Variants in LRRC4C observed in about 807,000 individuals in gnomAD.
The protein encoded by LRRC4C is leucine rich repeat containing 4C.
Under a neutral mutation model 33.6 loss-of-function variants are expected in LRRC4C, and 5 were observed. The observed-to-expected ratio is 0.15, with a 90% CI of 0.08 to 0.31. The LOEUF (loss-of-function observed/expected upper bound fraction) is 0.31, where lower values mean the gene tolerates loss of function less well. Ranked by LOEUF, LRRC4C falls within the 10% of genes least tolerant of loss-of-function variation. The pLI is 1.00. For missense variants in LRRC4C, 560 were observed against 796.7 expected, an observed-to-expected ratio of 0.70 and a Z score of 3.58; for synonymous variants, 329 against 302.0, an observed-to-expected ratio of 1.09 and a Z score of -0.93.
intron 3 of LRRC4C, among the ~76,000 whole-genome samples, chr11:40,619,840 T>C (rs1440352954): frequency 6.6e-6 from 1 of 151,254 alleles, no homozygotes; most frequent in Non-Finnish European, 1.5e-5. Context: ...TTTCTCGGTG[T>C]TGCAGGGTGA....
intron 1 of LRRC4C, among the ~76,000 whole-genome samples, chr11:40,960,030 C>T (rs746059092): frequency 6.9e-6 from 1 of 144,920 alleles, no homozygotes; most frequent in African/African-American, 2.6e-5. Context: ...AAAGATATAT[C>T]AAATCAAAGA....
At chr11:40,841,171 CT>C (rs1372762189) in intron 2 of LRRC4C, among the ~76,000 whole-genome samples, 2 of 152,098 alleles carry the variant, frequency 1.3e-5, no homozygotes, top group African/African-American at 4.8e-5. Flanking sequence ...TTAAATGTGT[CT>C]AGTTTAAGAT....
intron 1 of LRRC4C, among the ~76,000 whole-genome samples, chr11:41,419,138 T>G (rs1954788637): frequency 6.6e-6 from 1 of 151,816 alleles, no homozygotes; most frequent in Non-Finnish European, 1.5e-5. Context: ...AAATACAAAC[T>G]TCCTGTCCCT....
intron 6 of LRRC4C, among the ~76,000 whole-genome samples, chr11:40,138,251 T>G (rs961768252): frequency 6.6e-6 from 1 of 152,080 alleles, no homozygotes; most frequent in Non-Finnish European, 1.5e-5. Flanking sequence ...CACTGTAACC[T>G]TGAACTTCTG....
intron 2 of LRRC4C, among the ~76,000 whole-genome samples, chr11:40,759,775 AT>A (rs1048855378): frequency 6.6e-6 from 1 of 151,792 alleles, no homozygotes. Context: ...ATCTTTATAC[AT>A]TTTTCCCCTT....
chr11:40,148,127 G>T (rs1857898487), intron 5 of LRRC4C, among the ~76,000 whole-genome samples: 1 of 152,102 alleles, frequency 6.6e-6, no homozygotes, highest in Non-Finnish European at 1.5e-5. Flanking sequence ...CCATTGATAG[G>T]CATTTAGGTT....
chr11:41,131,844 C>G (rs1943027830), intron 1 of LRRC4C, among the ~76,000 whole-genome samples: 1 of 152,102 alleles, frequency 6.6e-6, no homozygotes, highest in Non-Finnish European at 1.5e-5. Context: ...AAAAGACACA[C>G]CCATCATCAC....
intron 3 of LRRC4C, among the ~76,000 whole-genome samples, chr11:40,536,699 T>G (rs569848528): frequency 2.6e-5 from 4 of 152,354 alleles, no homozygotes; most frequent in East Asian, 3.9e-4. Context: ...AATGCTCTTT[T>G]TTTTTCAAAT....
At chr11:40,609,588 A>C (rs904287020) in intron 3 of LRRC4C, among the ~76,000 whole-genome samples, 16 of 152,028 alleles carry the variant, frequency 1.1e-4, no homozygotes, top group Non-Finnish European at 2.2e-4. Flanking sequence ...GCATAGAAAA[A>C]CAATAGAAAA....
intron 5 of LRRC4C, among the ~76,000 whole-genome samples, chr11:40,184,036 G>C (rs926612305): frequency 6.6e-6 from 1 of 152,228 alleles, no homozygotes; most frequent in African/African-American, 2.4e-5. Context: ...TCAGTAAAAA[G>C]TAAGGAGAAG....
At chr11:40,475,532 T>C (rs1032198783) in intron 3 of LRRC4C, among the ~76,000 whole-genome samples, 1 of 152,062 alleles carries the variant, frequency 6.6e-6, no homozygotes. Context: ...CAAACCACCA[T>C]GGCAAGTGTA....
chr11:41,257,862 T>C (rs1017366602), intron 1 of LRRC4C, among the ~76,000 whole-genome samples: 1 of 152,090 alleles, frequency 6.6e-6, no homozygotes, highest in East Asian at 1.9e-4. Context: ...CAATCCTTCA[T>C]ATGAAATTAG....
intron 3 of LRRC4C, among the ~76,000 whole-genome samples, chr11:40,365,399 T>C (rs1271162115): frequency 6.6e-6 from 1 of 152,038 alleles, no homozygotes; most frequent in Non-Finnish European, 1.5e-5. Flanking sequence ...CTTAGAGAAG[T>C]TGCTTCTTCA....
At chr11:41,000,605 T>C (rs182747644) in intron 1 of LRRC4C, among the ~76,000 whole-genome samples, 1 of 152,304 alleles carries the variant, frequency 6.6e-6, no homozygotes, top group Admixed American at 6.5e-5. Flanking sequence ...ACACTGGGCC[T>C]ATTGATCGAC....
intron 1 of LRRC4C, among the ~76,000 whole-genome samples, chr11:40,940,611 A>T (rs1442579365): frequency 1.3e-5 from 2 of 152,158 alleles, no homozygotes; most frequent in South Asian, 4.1e-4. Context: ...TTTTTCAAAC[A>T]GATATCAAAT....
chr11:40,810,446 A>G (rs1267274468), intron 2 of LRRC4C, among the ~76,000 whole-genome samples: 1 of 152,180 alleles, frequency 6.6e-6, no homozygotes, highest in Non-Finnish European at 1.5e-5. Flanking sequence ...ATTTTGTCCA[A>G]TAGTTTTAAA....
chr11:40,695,901 A>G (rs2136438609), intron 2 of LRRC4C, among the ~76,000 whole-genome samples: 1 of 151,888 alleles, frequency 6.6e-6, no homozygotes, highest in South Asian at 2.1e-4. Flanking sequence ...CTTTTTTTCC[A>G]TGAAAGATAA....
intron 3 of LRRC4C, among the ~76,000 whole-genome samples, chr11:40,606,387 G>A (rs903708259): frequency 3.3e-5 from 5 of 152,152 alleles, no homozygotes; most frequent in African/African-American, 1.2e-4. Flanking sequence ...GAAAAGTTGA[G>A]AAGCCCTGAG....
intron 1 of LRRC4C, chr11:41,426,570 G>A (rs1955050404): frequency 6.6e-6 from 1 of 152,172 alleles, no homozygotes; most frequent in Non-Finnish European, 1.5e-5. Context: ...CAAGAGTTAT[G>A]TTCCTCTAAA....
Sources: gnomAD v4.1 joint callset for allele counts (sites outside exome capture counted in the v4.1 genomes callset) on GRCh38, gnomAD v4.1.1 for gene constraint, MANE v1.5 for transcripts, NCBI Gene and HGNC (gene_info 2026-07-23, HGNC 2026-07-21) for gene names.